Variants in ST7 observed in about 807,000 individuals in gnomAD.
The protein encoded by ST7 is suppression of tumorigenicity 7.
In ST7, 28 loss-of-function variants were observed where a neutral mutation model predicts 78.7. The observed-to-expected ratio is 0.36, with a 90% CI of 0.26 to 0.49. ST7 has a LOEUF of 0.49. ST7 is among the 20% of genes least tolerant of loss of function. The pLI is 0.99. For synonymous variants in ST7, 247 were observed against 249.6 expected, an observed-to-expected ratio of 0.99 and a Z score of 0.10; for missense variants, 418 against 696.0, an observed-to-expected ratio of 0.60 and a Z score of 4.49.
chr7:117,040,980 AC>A (rs1797186416), intron 1 of ST7, among the ~76,000 whole-genome samples: 1 of 151,686 alleles, frequency 6.6e-6, no homozygotes, highest in South Asian at 2.1e-4. Flanking sequence ...TTCACTATCT[AC>A]CCCTTTGCTT....
intron 7 of ST7, 46 bp from the exon 8 acceptor site, chr7:117,136,035 T>C (rs1425928673): frequency 6.3e-7 from 1 of 1,599,834 alleles, no homozygotes; most frequent in Admixed American, 1.7e-5. Context: ...TCTATTACCA[T>C]GTCCTTGGCT....
chr7:117,016,181 A>C (rs552474437), intron 1 of ST7, among the ~76,000 whole-genome samples: 16 of 152,312 alleles, frequency 1.1e-4, no homozygotes, highest in Admixed American at 5.2e-4. Flanking sequence ...AAGCAAGTAT[A>C]CCTGTATCTG....
chr7:117,097,017 CTTTATT>C (rs1801095868), intron 1 of ST7, among the ~76,000 whole-genome samples: 1 of 151,826 alleles, frequency 6.6e-6, no homozygotes, highest in Admixed American at 6.6e-5. Flanking sequence ...TGAATGGAAT[CTTTATT>C]TTTAATCTCT....
At chr7:117,197,170 G>T (rs186810167) in intron 12 of ST7, among the ~76,000 whole-genome samples, 1 of 152,202 alleles carries the variant, frequency 6.6e-6, no homozygotes, top group East Asian at 1.9e-4. Context: ...GAGTAGCTGG[G>T]ACTATAGGTA....
In ST7 at chr7:117,065,729, C is replaced by T. The variant is rs553522500; in HGVS notation, c.152-34033C>T. On this transcript the variant is annotated intron_variant, in intron 1 of 15. Coordinates refer to ENST00000323984, the MANE Select transcript of ST7 (RefSeq NM_001369598.1). ...AGTGGCCTTCTGACTGTACTATGCTCCTCACCTCTCAGCAGCCAGTCATCT... is the reference window on the plus strand; with the variant it reads ...AGTGGCCTTCTGACTGTACTATGCTTCTCACCTCTCAGCAGCCAGTCATCT... 2.0e-5 allele frequency among the ~76,000 whole-genome samples: 3 copies of T among 152,318 alleles called. No homozygotes were observed. In the South Asian group the frequency reaches 6.2e-4, roughly 32 times the overall value.
At chr7:117,014,376 A>G (rs889777797) in intron 1 of ST7, among the ~76,000 whole-genome samples, 1 of 152,226 alleles carries the variant, frequency 6.6e-6, no homozygotes, top group South Asian at 2.1e-4. Context: ...AGTAATGACC[A>G]TATGTCCTTT....
intron 1 of ST7, among the ~76,000 whole-genome samples, chr7:117,027,811 G>A (rs1279467708): frequency 1.3e-5 from 2 of 152,142 alleles, no homozygotes; most frequent in Non-Finnish European, 2.9e-5. Flanking sequence ...AGCCACCACT[G>A]GGCTCTTCTG....
chr7:116,957,523 G>A lies in ST7; in HGVS notation c.151+3832G>A, dbSNP rs552701485. 3.3e-5 allele frequency among the ~76,000 whole-genome samples: 5 copies of A among 152,166 alleles called. No homozygotes were observed. The South Asian group carries it at 1.0e-3, about 32-fold the overall frequency. The stretch of plus-strand genomic sequence containing the variant: ...GCTGGTAACTGATTTTTGAGGCTCT[G>A]CTCTTGATTTGGATACAATAGTGTT... On this transcript the variant is annotated intron_variant, in intron 1 of 15. Coordinates refer to ENST00000323984, the MANE Select transcript of ST7 (RefSeq NM_001369598.1).
chr7:116,981,222 C>G (rs76952884), intron 1 of ST7, among the ~76,000 whole-genome samples: 10,368 of 152,188 alleles, frequency 0.068, 401 homozygotes, highest in Middle Eastern at 0.085. Context: ...GATCCTCCCC[C>G]TCAGCTTCCC....
At position 117,119,612 on chromosome 7, in the gene ST7, G is replaced by C; in HGVS notation, c.286G>C (p.Val96Leu). 1 of 1,613,654 alleles carries C rather than the reference G, an allele frequency of 6.2e-7. No homozygotes were observed. The highest frequency in any genetic ancestry group is 8.5e-7 in the Non-Finnish European group (1 of 1,179,934). The change falls in exon 3 of 16, where the codon GTC becomes CTC. Residue 96 changes from valine to leucine, a missense_variant. Coordinates refer to ENST00000323984, the MANE Select transcript of ST7 (RefSeq NM_001369598.1). ...RKYGTSFIEQ[V>L]SVSHLRPLLG... ...ATACGGAACTTCATTCATTGAACAA[G>C]TCTCAGTAAGCCACTTGCGCCCCCT...
chr7:117,088,999 C>T (rs1400636505), intron 1 of ST7, among the ~76,000 whole-genome samples: 1 of 152,206 alleles, frequency 6.6e-6, no homozygotes, highest in African/African-American at 2.4e-5. Flanking sequence ...CAAGGGAAGG[C>T]CTTACCTTTG....
chr7:117,152,233 A>G (rs1806353063), intron 9 of ST7, among the ~76,000 whole-genome samples: 1 of 121,866 alleles, frequency 8.2e-6, no homozygotes, highest in South Asian at 2.8e-4. Flanking sequence ...ACCATGAACA[A>G]ATCTTTAGTT....
chr7:117,061,973 CA>C, intron 1 of ST7, among the ~76,000 whole-genome samples: 1 of 152,160 alleles, frequency 6.6e-6, no homozygotes, highest in Non-Finnish European at 1.5e-5. Flanking sequence ...GGTGGCTCAA[CA>C]GGAATTTCTT....
At chr7:116,967,443 C>T (rs1793180752) in intron 1 of ST7, 1 of 470,836 alleles carries the variant, frequency 2.1e-6, no homozygotes, top group Non-Finnish European at 4.4e-6. Context: ...TTTGGTCAGG[C>T]AGCTTGTGCA....
intron 1 of ST7, among the ~76,000 whole-genome samples, chr7:117,032,365 C>T (rs1796647463): frequency 1.3e-5 from 2 of 151,856 alleles, no homozygotes; most frequent in Admixed American, 1.3e-4. Flanking sequence ...GCCAAATATT[C>T]ACATTTCTTT....
chr7:117,220,795 G>A (rs1027323894), intron 14 of ST7, among the ~76,000 whole-genome samples: 6 of 152,172 alleles, frequency 3.9e-5, no homozygotes, highest in Admixed American at 1.3e-4. Context: ...CACTTGTTCC[G>A]TGTGTTTGAA....
At chr7:116,995,936 A>G (rs1219547849) in intron 1 of ST7, among the ~76,000 whole-genome samples, 1 of 152,200 alleles carries the variant, frequency 6.6e-6, no homozygotes, top group Admixed American at 6.5e-5. Context: ...GTGGGCTGCC[A>G]GCTTTTAATC....
At chr7:117,138,660 A>T (rs1805005950) in intron 9 of ST7, 128 bp downstream of exon 9, 1 of 577,700 alleles carries the variant, frequency 1.7e-6, no homozygotes, top group Non-Finnish European at 3.1e-6. Flanking sequence ...TGTGGGGTTC[A>T]ACTCTAGTTC....
chr7:117,203,182 C>T (rs1310199828), intron 12 of ST7, among the ~76,000 whole-genome samples: 2 of 152,224 alleles, frequency 1.3e-5, no homozygotes, highest in African/African-American at 4.8e-5. Context: ...TGGAGCAGGT[C>T]ATGAAGGCCT....
Sources: allele counts gnomAD v4.1 joint callset (sites outside exome capture counted in the v4.1 genomes callset), GRCh38; gene constraint gnomAD v4.1.1; transcripts MANE v1.5; gene names NCBI Gene and HGNC (gene_info 2026-07-23, HGNC 2026-07-21).